The following SRGAP3 variants were observed in gnomAD, a reference collection of about 807,000 sequenced individuals.
SRGAP3 encodes SLIT-ROBO Rho GTPase-activating protein 3.
A neutral mutation model predicts 121.1 loss-of-function variants in SRGAP3; 39 were observed. That is an observed-to-expected ratio of 0.32 (90% CI 0.25 to 0.42). The LOEUF (loss-of-function observed/expected upper bound fraction) is 0.42, where lower values mean the gene tolerates loss of function less well. Ranked by LOEUF, SRGAP3 falls within the 10% of genes least tolerant of loss-of-function variation. The pLI, the probability that SRGAP3 is intolerant of heterozygous loss-of-function variation, is 1.00. For missense variants in SRGAP3, 1,213 were observed against 1,470.6 expected (o/e 0.82, Z 2.86); for synonymous variants, 601 against 570.0 (o/e 1.05, Z -0.77).
intron 14 of SRGAP3, among the ~76,000 whole-genome samples, chr3:9,018,123 G>A (rs181505217): frequency 6.6e-6 from 1 of 152,106 alleles, no homozygotes; most frequent in African/African-American, 2.4e-5. Flanking sequence ...TCTGAGGCTG[G>A]CTTATTTCAC....
In SRGAP3 at chr3:8,990,625, A is replaced by G; in HGVS notation, c.2773T>C (p.Tyr925His). ...TCGGAGAGCGCCTTCTTGTCAGGGTAGTTGATGCTGCCAGCGCTCCCGAAC... is the reference window on the plus strand; with the variant it reads ...TCGGAGAGCGCCTTCTTGTCAGGGTGGTTGATGCTGCCAGCGCTCCCGAAC... ...ATFGSAGSIN[Y>H]PDKKALSEGH... Residue 925 changes from tyrosine (Y) to histidine (H), a missense_variant, in exon 21 of 22, where the codon TAC becomes CAC. By Grantham distance (83) the Tyr-to-His change is moderately conservative. Coordinates refer to ENST00000383836, the MANE Select transcript of SRGAP3 (RefSeq NM_014850.4). The G allele has an allele frequency of 6.2e-7, 1 of 1,613,350 alleles. No homozygotes were observed. Among genetic ancestry groups the G allele is most frequent in the Non-Finnish European group, 8.5e-7 (1 of 1,179,826 alleles).
chr3:9,067,873 T>C (rs904602585), intron 4 of SRGAP3, among the ~76,000 whole-genome samples: 1 of 152,052 alleles, frequency 6.6e-6, no homozygotes, highest in Non-Finnish European at 1.5e-5. Context: ...ACAGAGAGGA[T>C]GAAATCAGCA....
chr3:9,153,355 T>C (rs186030093), intron 1 of SRGAP3, among the ~76,000 whole-genome samples: 1 of 152,192 alleles, frequency 6.6e-6, no homozygotes, highest in Non-Finnish European at 1.5e-5. Context: ...ACAGCATCCT[T>C]GAGAGGCAAA....
chr3:9,177,101 T>C (rs1014861257), intron 1 of SRGAP3, among the ~76,000 whole-genome samples: 4 of 152,136 alleles, frequency 2.6e-5, no homozygotes, highest in African/African-American at 9.7e-5. Context: ...TGTATGCAAC[T>C]AAAACTTCAG....
chr3:9,245,188 C>A (rs1953775245), intron 1 of SRGAP3, among the ~76,000 whole-genome samples: 1 of 152,124 alleles, frequency 6.6e-6, no homozygotes, highest in African/African-American at 2.4e-5. Context: ...ATTGAAAAAT[C>A]TGTCTGGGCC....
chr3:9,341,434 A>T (rs949754169), intron 1 of SRGAP3, among the ~76,000 whole-genome samples: 1 of 152,194 alleles, frequency 6.6e-6, no homozygotes, highest in East Asian at 1.9e-4. Context: ...CAGCTATAGG[A>T]GCCTCCCCTG....
At chr3:9,126,021 G>A (rs1210758378) in intron 1 of SRGAP3, among the ~76,000 whole-genome samples, 10 of 152,158 alleles carry the variant, frequency 6.6e-5, no homozygotes, top group Admixed American at 2.0e-4. Flanking sequence ...GGTGGCCAGC[G>A]TCATTTCAGC....
At chr3:9,248,514 A>C (rs1192393178) in intron 1 of SRGAP3, among the ~76,000 whole-genome samples, 2 of 152,178 alleles carry the variant, frequency 1.3e-5, no homozygotes, top group Non-Finnish European at 2.9e-5. Context: ...CCCCAATATT[A>C]AAGGGCTTTT....
At chr3:8,992,325 T>C (rs980235332) in intron 20 of SRGAP3, among the ~76,000 whole-genome samples, 4 of 152,228 alleles carry the variant, frequency 2.6e-5, no homozygotes, top group Non-Finnish European at 4.4e-5. Context: ...CCACATACTT[T>C]GGATTATACC....
chr3:9,223,382 T>TA (rs1445896381), intron 1 of SRGAP3, among the ~76,000 whole-genome samples: 3 of 152,152 alleles, frequency 2.0e-5, no homozygotes, highest in African/African-American at 7.2e-5. Context: ...GTTCAGGAAA[T>TA]AATGAATTAA....
intron 3 of SRGAP3, among the ~76,000 whole-genome samples, chr3:9,283,742 A>G (rs1054543655): frequency 1.8e-4 from 28 of 152,236 alleles, no homozygotes; most frequent in African/African-American, 6.8e-4. Context: ...CTGACACAAA[A>G]TGAACACATG....
At chr3:9,184,503 G>C (rs112204954) in intron 1 of SRGAP3, among the ~76,000 whole-genome samples, 71 of 152,262 alleles carry the variant, frequency 4.7e-4, no homozygotes, top group African/African-American at 1.6e-3. Context: ...CAGGAGGATG[G>C]AATCAACCAT....
intron 2 of SRGAP3, among the ~76,000 whole-genome samples, chr3:9,119,315 G>C (rs759644836): frequency 1.8e-4 from 28 of 152,168 alleles, no homozygotes; most frequent in Non-Finnish European, 2.8e-4. Context: ...CCTGCCTGGA[G>C]AGCTATACCC....
chr3:9,177,759 T>G (rs932888401), intron 1 of SRGAP3, among the ~76,000 whole-genome samples: 2 of 152,200 alleles, frequency 1.3e-5, no homozygotes, highest in African/African-American at 2.4e-5. Context: ...CTCCCATTCT[T>G]ACTCCTTGTG....
chr3:9,121,707 C>G (rs1949011038), intron 2 of SRGAP3, among the ~76,000 whole-genome samples: 1 of 152,172 alleles, frequency 6.6e-6, no homozygotes, highest in African/African-American at 2.4e-5. Flanking sequence ...TAGGGTGCCC[C>G]CCCATATCCA....
intron 3 of SRGAP3, among the ~76,000 whole-genome samples, chr3:9,293,743 C>T (rs188598181): frequency 7.2e-5 from 11 of 152,216 alleles, no homozygotes; most frequent in African/African-American, 2.6e-4. Context: ...AAAATCTCAG[C>T]AGCATTGATC....
At chr3:9,131,495 G>T (rs182714611) in intron 1 of SRGAP3, among the ~76,000 whole-genome samples, 1 of 135,904 alleles carries the variant, frequency 7.4e-6, no homozygotes, top group African/African-American at 2.8e-5. Flanking sequence ...CTGGAGTGCA[G>T]TGGTGCGATC....
intron 1 of SRGAP3, among the ~76,000 whole-genome samples, chr3:9,341,255 A>T (rs370746118): frequency 2.6e-5 from 4 of 151,074 alleles, no homozygotes; most frequent in East Asian, 1.9e-4. Context: ...GCAGTGGGCT[A>T]GAGAGAGCAG....
At chr3:9,297,913 AAG>A (rs1574981794) in intron 3 of SRGAP3, among the ~76,000 whole-genome samples, 1 of 152,086 alleles carries the variant, frequency 6.6e-6, no homozygotes, top group South Asian at 2.1e-4. Flanking sequence ...AAAAAAGAGA[AAG>A]AGAGTATGAA....
Sources: gnomAD v4.1 joint callset for allele counts (sites outside exome capture counted in the v4.1 genomes callset) on GRCh38, gnomAD v4.1.1 for gene constraint, MANE v1.5 for transcripts, NCBI Gene and HGNC (gene_info 2026-07-23, HGNC 2026-07-21) for gene names.